DNMBP: variants seen among roughly 807,000 people sequenced by gnomAD.
The protein encoded by DNMBP is dynamin binding protein.
DNMBP carries 87 observed loss-of-function variants against 150.0 expected under a neutral mutation model. The ratio of observed to expected loss-of-function variants is 0.58; its 90% CI spans 0.49 to 0.69. DNMBP has a LOEUF of 0.69. Among genes scored for constraint, DNMBP ranks in the 30% least tolerant of loss-of-function variants. The pLI, the probability that DNMBP is intolerant of heterozygous loss-of-function variation, is 0.00. For missense variants in DNMBP, 1,774 were observed against 1,949.0 expected (o/e 0.91, Z 1.69); for synonymous variants, 711 against 750.4 (o/e 0.95, Z 0.86).
Position 100,001,843 on chromosome 10 carries a change from G to C in DNMBP, c.-11+7995C>G, listed in dbSNP as rs376498779. ...CCTGGGAGGACTGAACTGAAGCAAA[G>C]AGACCTCAAAAGTACTTCTCCCCTC... On this transcript the variant is annotated intron_variant, in intron 1 of 16. Coordinates refer to ENST00000324109, the MANE Select transcript of DNMBP (RefSeq NM_015221.4). 3.1e-3 allele frequency among the ~76,000 whole-genome samples: 476 copies of C among 152,328 alleles called. 28 individuals are homozygous for C. In the South Asian group the frequency reaches 0.096, roughly 31 times the overall value.
intron 4 of DNMBP, among the ~76,000 whole-genome samples, chr10:99,946,173 G>A (rs971735554): frequency 7.2e-5 from 11 of 152,160 alleles, no homozygotes; most frequent in East Asian, 1.9e-4. Context: ...GGCCAGGCTG[G>A]TCTCAAATTC....
chr10:99,997,956 T>C (rs2040966787), intron 1 of DNMBP, among the ~76,000 whole-genome samples: 1 of 90,564 alleles, frequency 1.1e-5, no homozygotes, highest in Non-Finnish European at 2.2e-5. Flanking sequence ...AAAAAAAAGC[T>C]GGACGCGGTG....
chr10:99,929,352 C>G (rs889999031), intron 4 of DNMBP, among the ~76,000 whole-genome samples: 1 of 151,952 alleles, frequency 6.6e-6, no homozygotes, highest in Non-Finnish European at 1.5e-5. Flanking sequence ...TCTGAAAAAA[C>G]CAGGAAGCGT....
At chr10:99,918,186 C>T (rs2039987622) in intron 4 of DNMBP, among the ~76,000 whole-genome samples, 1 of 151,940 alleles carries the variant, frequency 6.6e-6, no homozygotes, top group Non-Finnish European at 1.5e-5. Context: ...GTTACCACAA[C>T]ACTCTGGCCA....
chr10:99,956,759 C>G lies in DNMBP; in HGVS notation c.715G>C (p.Glu239Gln). The change falls in exon 4 of 17, where the codon GAG becomes CAG. Residue 239 changes from glutamate (E) to glutamine (Q), a missense_variant. By Grantham distance (29) the Glu-to-Gln change is conservative (BLOSUM62 2). Around this residue, in one of 2 missense-constraint regions of DNMBP, gnomAD observed 344 missense variants for 456.6 expected, o/e 0.75. Transcript: ENST00000324109. Reference sequence around the variant, plus strand: ...TAGGTCCCTGGCTCCTCCTCATCCTCATCCGGCCCTATCTCTTCTTCTCCT... The same window carrying G: ...TAGGTCCCTGGCTCCTCCTCATCCTGATCCGGCCCTATCTCTTCTTCTCCT... Reference protein sequence around the residue: ...PVGEEEIGPDEDEEEPGTYGV... With the variant: ...PVGEEEIGPDQDEEEPGTYGV... The G allele has an allele frequency of 6.2e-7, 1 of 1,614,182 alleles. No homozygotes were observed. Among genetic ancestry groups the G allele is most frequent in the African/African-American group, 1.3e-5 (1 of 75,056 alleles).
chr10:99,926,952 C>T (rs2040085119), intron 4 of DNMBP: 1 of 152,202 alleles, frequency 6.6e-6, no homozygotes, highest in Non-Finnish European at 1.5e-5. Context: ...AGGCCCACCT[C>T]TCAGAACTAG....
intron 4 of DNMBP, among the ~76,000 whole-genome samples, chr10:99,924,745 CAG>C (rs1468111724): frequency 2.0e-5 from 3 of 152,204 alleles, no homozygotes; most frequent in African/African-American, 7.2e-5. Context: ...ACTGTTGGAA[CAG>C]ATATCATGTT....
chr10:99,971,874 A>T (rs11593499), intron 2 of DNMBP, 106 bp downstream of exon 2: 1,048 of 813,574 alleles, frequency 1.3e-3, no homozygotes, highest in South Asian at 3.6e-3. Flanking sequence ...TTTTTTTTTT[A>T]AGACAGGGTC....
chr10:99,908,101 A>G lies in DNMBP; in HGVS notation c.2455-7T>C. ...CAAAATCAATGTTTGGTACCTGAGA[A>G]AAGGAAACAAAACATAAAAATGCAC... On this transcript the variant is annotated splice_polypyrimidine_tract_variant and splice_region_variant and intron_variant, in intron 5 of 16. Transcript: ENST00000324109. The G allele has an allele frequency of 1.9e-6, 3 of 1,591,004 alleles. No homozygotes were observed. The highest frequency in any genetic ancestry group is 2.6e-6 in the Non-Finnish European group (3 of 1,159,186).
intron 12 of DNMBP, among the ~76,000 whole-genome samples, chr10:99,887,309 G>A (rs1318677985): frequency 6.6e-6 from 1 of 152,164 alleles, no homozygotes; most frequent in Non-Finnish European, 1.5e-5. Context: ...GCCAAGGTGG[G>A]CAGACCACTT....
intron 3 of DNMBP, among the ~76,000 whole-genome samples, chr10:99,964,095 G>C: frequency 7.6e-6 from 1 of 132,434 alleles, no homozygotes; most frequent in Non-Finnish European, 1.6e-5. Flanking sequence ...GCACTAACTT[G>C]TTTCTCTCCT....
At chr10:99,976,256 A>C (rs2040726331) in intron 1 of DNMBP, among the ~76,000 whole-genome samples, 2 of 152,248 alleles carry the variant, frequency 1.3e-5, no homozygotes, top group African/African-American at 4.8e-5. Flanking sequence ...TACGGAGCTT[A>C]CCATTTCAAC....
At chr10:99,997,385 C>T (rs576951736) in intron 1 of DNMBP, among the ~76,000 whole-genome samples, 4 of 152,276 alleles carry the variant, frequency 2.6e-5, no homozygotes, top group African/African-American at 9.6e-5. Context: ...AATGTCATTC[C>T]CTGACACCTG....
At chr10:99,902,078 C>T (rs1447159508) in intron 6 of DNMBP, among the ~76,000 whole-genome samples, 2 of 151,668 alleles carry the variant, frequency 1.3e-5, no homozygotes, top group South Asian at 2.1e-4. Flanking sequence ...TTTTGGTAGA[C>T]GGGGTTTCGG....
At chr10:99,948,640 A>C (rs1159732737) in intron 4 of DNMBP, among the ~76,000 whole-genome samples, 2 of 152,160 alleles carry the variant, frequency 1.3e-5, no homozygotes, top group Non-Finnish European at 2.9e-5. Flanking sequence ...ACAGACTATA[A>C]AACAGCTATG....
chr10:99,955,707 G>A lies in DNMBP; in HGVS notation c.1767C>T (p.Val589=), dbSNP rs781115927. 1.2e-6 allele frequency: 2 copies of A among 1,614,094 alleles called. No individual in the cohort carries two copies. The highest frequency in any genetic ancestry group is 2.2e-5 in the East Asian group (1 of 44,902). ...CGGTGATTAACTTTGAGGAACCTCG[G>A]ACAATATCCTTCTCAGAGTTAAAGT... ...IMDFNSEKDI[V]RGSSKLITEQ... is the part of the protein sequence containing the mutation. The change falls in exon 4 of 17, where the codon GTC becomes GTT. Residue 589 remains valine, a synonymous_variant. Coordinates refer to ENST00000324109, the MANE Select transcript of DNMBP (RefSeq NM_015221.4).
At chr10:99,975,080 C>A (rs972787253) in intron 1 of DNMBP, among the ~76,000 whole-genome samples, 1 of 152,154 alleles carries the variant, frequency 6.6e-6, no homozygotes, top group African/African-American at 2.4e-5. Context: ...TATAATCCAG[C>A]CAGGCACGGT....
chr10:99,913,945 G>C (rs762695161), intron 4 of DNMBP: 159 of 1,375,276 alleles, frequency 1.2e-4, no homozygotes, highest in Non-Finnish European at 1.5e-4. Context: ...CCACACCCCA[G>C]GACCTACCTG....
At chr10:99,958,797 T>G (rs1485528235) in intron 3 of DNMBP, among the ~76,000 whole-genome samples, 4 of 152,248 alleles carry the variant, frequency 2.6e-5, no homozygotes, top group Admixed American at 6.5e-5. Context: ...CATTCATGGC[T>G]AAAAGATTCA....
Sources: gnomAD v4.1 joint callset for allele counts (sites outside exome capture counted in the v4.1 genomes callset) on GRCh38, gnomAD v4.1.1 for gene constraint, gnomAD v4.1.1 regional missense constraint, MANE v1.5 for transcripts, NCBI Gene and HGNC (gene_info 2026-07-23, HGNC 2026-07-21) for gene names.